GRIP1: variants seen among roughly 807,000 people sequenced by gnomAD.
The protein encoded by GRIP1 is glutamate receptor-interacting protein 1.
GRIP1 carries 45 observed loss-of-function variants against 129.9 expected under a neutral mutation model. The observed-to-expected ratio is 0.35, with a 90% confidence interval of 0.27 to 0.44. The LOEUF (loss-of-function observed/expected upper bound fraction) is 0.44, where lower values mean the gene tolerates loss of function less well. Among genes scored for constraint, GRIP1 ranks in the 20% least tolerant of loss-of-function variants. GRIP1 has a pLI of 1.00. For missense variants in GRIP1, 1,196 were observed against 1,396.8 expected (o/e 0.86, Z 2.29); for synonymous variants, 530 against 520.8 (o/e 1.02, Z -0.24).
chr12:66,798,104 T>C (rs1221759285), intron 1 of GRIP1, among the ~76,000 whole-genome samples: 2 of 152,170 alleles, frequency 1.3e-5, no homozygotes, highest in Non-Finnish European at 2.9e-5. Context: ...CACTACATCA[T>C]GCAAACAGAA....
At chr12:66,414,476 T>C (rs1269411945) in intron 15 of GRIP1, among the ~76,000 whole-genome samples, 1 of 152,160 alleles carries the variant, frequency 6.6e-6, no homozygotes, top group African/African-American at 2.4e-5. Context: ...CATTCCATGC[T>C]CATGGATAGA....
chr12:66,729,959 A>C (rs2036381173), intron 1 of GRIP1, among the ~76,000 whole-genome samples: 1 of 152,232 alleles, frequency 6.6e-6, no homozygotes, highest in Non-Finnish European at 1.5e-5. Flanking sequence ...GGAAAATTGT[A>C]TGCATCATAG....
chr12:66,603,312 C>T (rs1023604469), intron 1 of GRIP1, among the ~76,000 whole-genome samples: 1 of 152,112 alleles, frequency 6.6e-6, no homozygotes, highest in Non-Finnish European at 1.5e-5. Context: ...AATATTGAAG[C>T]TAAAAAGAAT....
chr12:66,503,757 C>A (rs1366275212), intron 7 of GRIP1, among the ~76,000 whole-genome samples: 1 of 152,100 alleles, frequency 6.6e-6, no homozygotes, highest in African/African-American at 2.4e-5. Flanking sequence ...CAGGAGGCTG[C>A]AGGCCTAAGG....
intron 1 of GRIP1, among the ~76,000 whole-genome samples, chr12:67,053,952 A>G (rs118128769): frequency 6.6e-6 from 1 of 152,382 alleles, no homozygotes; most frequent in Non-Finnish European, 1.5e-5. Context: ...TTTAGACATT[A>G]AAAGGCAGTT....
rs1466439498 is a variant in GRIP1, at chr12:67,034,836, G to C, written c.58+34214C>G. The stretch of plus-strand genomic sequence containing the variant: ...GGGACCACCATTGTTTATGCGGTCT[G>C]TCACTGACCAAAACCTCATTATGCA... On this transcript the variant is annotated intron_variant, in intron 1 of 1. Coordinates refer to the GRIP1 transcript ENST00000643019. Among the ~76,000 whole-genome samples the C allele has an allele frequency of 6.6e-5, 10 of 152,200 alleles. 1 individual carries two copies. The highest frequency in any genetic ancestry group is 6.5e-4 in the Admixed American group (10 of 15,274).
At chr12:66,487,090 A>G (rs1289068845) in intron 7 of GRIP1, among the ~76,000 whole-genome samples, 9 of 152,174 alleles carry the variant, frequency 5.9e-5, no homozygotes, top group African/African-American at 2.2e-4. Flanking sequence ...TATGCCTGGC[A>G]CAAAATTTCT....
intron 1 of GRIP1, among the ~76,000 whole-genome samples, chr12:66,955,508 T>G (rs1370788883): frequency 2.4e-4 from 18 of 74,714 alleles, no homozygotes; most frequent in Non-Finnish European, 4.3e-4. Flanking sequence ...TTTTTGGTTT[T>G]TTTTTTTTTT....
At chr12:66,654,903 T>C (rs907545181) in intron 1 of GRIP1, among the ~76,000 whole-genome samples, 2 of 152,188 alleles carry the variant, frequency 1.3e-5, no homozygotes, top group African/African-American at 4.8e-5. Context: ...TGGTGAAAAT[T>C]AGAAAAGACA....
chr12:66,352,393 G>A (rs1305719943), intron 24 of GRIP1, among the ~76,000 whole-genome samples: 1 of 152,176 alleles, frequency 6.6e-6, no homozygotes, highest in East Asian at 1.9e-4. Context: ...AGGCCAGGAG[G>A]TGGCAGCATA....
At chr12:67,048,369 G>A (rs1483651600) in intron 1 of GRIP1, among the ~76,000 whole-genome samples, 2 of 152,108 alleles carry the variant, frequency 1.3e-5, no homozygotes, top group Non-Finnish European at 2.9e-5. Context: ...GATATGCACC[G>A]TTCACACTTT....
chr12:66,354,465 T>C (rs1018691502), intron 23 of GRIP1, among the ~76,000 whole-genome samples: 1 of 152,198 alleles, frequency 6.6e-6, no homozygotes. Context: ...CATGAATATG[T>C]AGCAGTCCCC....
intron 1 of GRIP1, among the ~76,000 whole-genome samples, chr12:66,614,756 C>A (rs1403828615): frequency 3.3e-5 from 5 of 152,128 alleles, no homozygotes. Context: ...CCCAACCCAT[C>A]ATCTTCACCT....
intron 7 of GRIP1, among the ~76,000 whole-genome samples, chr12:66,498,611 A>G (rs976770038): frequency 1.3e-4 from 20 of 152,186 alleles, no homozygotes; most frequent in Non-Finnish European, 2.5e-4. Context: ...AACTTAGTAA[A>G]TAAAAATTAC....
chr12:66,353,474 A>G lies in GRIP1; in HGVS notation c.3102T>C (p.Ile1034=), dbSNP rs762619221. The change falls in exon 24 of 25, where the codon ATT becomes ATC. Residue 1034 remains isoleucine, a synonymous_variant. Coordinates refer to ENST00000359742, the MANE Select transcript of GRIP1 (RefSeq NM_001366722.1). ...CAAGATCTCCTGGCCCAGCTGGGCGAATATTTTTGACATACACTCCTTTCT... is the reference window on the plus strand; with the variant it reads ...CAAGATCTCCTGGCCCAGCTGGGCGGATATTTTTGACATACACTCCTTTCT... The part of the protein sequence containing the change: ...LLEKGVYVKN[I]RPAGPGDLGG... 15 of 1,613,144 alleles carry G rather than the reference A, an allele frequency of 9.3e-6. No homozygotes were observed. Among genetic ancestry groups the G allele is most frequent in the Admixed American group, 5.0e-5 (3 of 59,964 alleles).
At chr12:66,425,067 A>G (rs182576610) in intron 14 of GRIP1, among the ~76,000 whole-genome samples, 1 of 152,270 alleles carries the variant, frequency 6.6e-6, no homozygotes, top group East Asian at 1.9e-4. Flanking sequence ...GGAAGAGTGC[A>G]AGGGAGAAGA....
chr12:66,748,791 C>T (rs2037033391), intron 1 of GRIP1, among the ~76,000 whole-genome samples: 1 of 152,002 alleles, frequency 6.6e-6, no homozygotes. Flanking sequence ...TTTTCAGATT[C>T]AATGTTCTAA....
chr12:66,815,840 C>CT (rs200087426), intron 1 of GRIP1, among the ~76,000 whole-genome samples: 1 of 41,656 alleles, frequency 2.4e-5, no homozygotes, highest in South Asian at 8.7e-4. Flanking sequence ...TTCTTTCTTT[C>CT]TTTCTTTCTT....
At chr12:66,996,552 C>T (rs1481656503) in intron 1 of GRIP1, among the ~76,000 whole-genome samples, 1 of 152,062 alleles carries the variant, frequency 6.6e-6, no homozygotes, top group Non-Finnish European at 1.5e-5. Flanking sequence ...TCATCAATTG[C>T]TCCTTTGCTA....
Sources: allele counts gnomAD v4.1 joint callset (sites outside exome capture counted in the v4.1 genomes callset), GRCh38; gene constraint gnomAD v4.1.1; transcripts MANE v1.5; gene names NCBI Gene and HGNC (gene_info 2026-07-23, HGNC 2026-07-21).